The following SEMA3D variants were observed in gnomAD, a reference collection of about 807,000 sequenced individuals.
SEMA3D encodes the protein semaphorin 3D.
SEMA3D carries 84 observed loss-of-function variants against 100.1 expected under a neutral mutation model. The observed-to-expected ratio is 0.84, with a 90% confidence interval of 0.70 to 1.01. SEMA3D has a LOEUF of 1.01. Among genes scored for constraint, SEMA3D ranks in the 50% least tolerant of loss-of-function variants. SEMA3D has a pLI of 0.00. For missense variants in SEMA3D, 875 were observed against 934.1 expected (o/e 0.94, Z 0.82); for synonymous variants, 312 against 320.7 (o/e 0.97, Z 0.29).
At chr7:85,073,193 T>A in intron 5 of SEMA3D, 112 bp from the exon 6 acceptor site, 6 of 950,524 alleles carry the variant, frequency 6.3e-6, no homozygotes, top group Admixed American at 4.8e-5. Flanking sequence ...AGAGCACAAA[T>A]GAAAAAAGAT....
intron 1 of SEMA3D, among the ~76,000 whole-genome samples, chr7:85,170,179 C>G (rs543382243): frequency 1.3e-5 from 2 of 151,932 alleles, no homozygotes; most frequent in Admixed American, 1.3e-4. Context: ...TACTTTATTT[C>G]ACAAAATAAA....
chr7:85,057,895 C>T (rs1441356865), intron 8 of SEMA3D, among the ~76,000 whole-genome samples: 1 of 152,154 alleles, frequency 6.6e-6, no homozygotes, highest in Non-Finnish European at 1.5e-5. Flanking sequence ...CACACCAGGG[C>T]ACTCCAGCCT....
In SEMA3D at chr7:85,162,962, T is replaced by A. The variant is rs1279894362; in HGVS notation, c.-172-9223A>T. 5.2e-6 allele frequency: 3 copies of A among 574,658 alleles called. No individual in the cohort carries two copies. The African/African-American group carries it at 6.1e-5, about 12-fold the overall frequency. The allele number at this position is 574,658 out of a possible 1,614,324, so 35.6% of individuals were successfully genotyped here. A position where few individuals can be genotyped will look rare whatever the true frequency, so the allele number is the denominator to read the frequency against. ...GAACTGAGTCAGCGACTGAATGTCA[T>A]AAGGCAGAGGTTTAGAGGCCGAGGA... On this transcript the variant is annotated intron_variant, in intron 1 of 18. Coordinates refer to ENST00000284136, the MANE Select transcript of SEMA3D (RefSeq NM_001384900.1).
At chr7:85,086,665 T>C (rs1165301323) in intron 4 of SEMA3D, among the ~76,000 whole-genome samples, 1 of 150,908 alleles carries the variant, frequency 6.6e-6, no homozygotes, top group Non-Finnish European at 1.5e-5. Context: ...TGTGTGTGTA[T>C]AGATGCATGT....
the SEMA3D span, among the ~76,000 whole-genome samples, chr7:85,202,975 T>C: frequency 1.2e-4 from 18 of 152,154 alleles, no homozygotes; most frequent in Admixed American, 6.6e-5. Flanking sequence ...TAATACCAAA[T>C]TGAAACGTTT....
At chr7:85,092,425 G>C (rs998362130) in intron 4 of SEMA3D, among the ~76,000 whole-genome samples, 4 of 151,660 alleles carry the variant, frequency 2.6e-5, no homozygotes, top group Non-Finnish European at 5.9e-5. Context: ...TCAAGTAGAA[G>C]GGCAAAAGAA....
rs1562785529 is a variant in SEMA3D at position 85,020,333 on chromosome 7, C to G, written c.1415-12G>C. On this transcript the variant is annotated splice_polypyrimidine_tract_variant and intron_variant, in intron 13 of 18. Transcript: ENST00000284136. ...GACAGTTCCAATGTCTGAAAAAATG[C>G]ATAACCCATGATCCCATTGTTTCTA... 1 of 1,592,702 alleles carries G rather than the reference C, an allele frequency of 6.3e-7. No homozygotes were observed. Among genetic ancestry groups the G allele is most frequent in the Non-Finnish European group, 8.6e-7 (1 of 1,162,490 alleles).
At chr7:85,166,722 G>C (rs1790917333) in intron 1 of SEMA3D, among the ~76,000 whole-genome samples, 2 of 151,930 alleles carry the variant, frequency 1.3e-5, no homozygotes, top group Admixed American at 1.3e-4. Flanking sequence ...TATTGCATTA[G>C]AGATGACTGA....
intron 1 of SEMA3D, among the ~76,000 whole-genome samples, chr7:85,158,529 G>A (rs899688121): frequency 3.9e-5 from 6 of 152,112 alleles, no homozygotes; most frequent in Non-Finnish European, 5.9e-5. Context: ...CAATGACAAT[G>A]CCTGCCTGAA....
the SEMA3D span, among the ~76,000 whole-genome samples, chr7:85,228,859 C>T: frequency 6.6e-6 from 1 of 151,948 alleles, no homozygotes; most frequent in Non-Finnish European, 1.5e-5. Flanking sequence ...AAATAAAACC[C>T]GTTTAATGTC....
chr7:85,122,989 T>C (rs957282363), intron 2 of SEMA3D, among the ~76,000 whole-genome samples: 2 of 152,188 alleles, frequency 1.3e-5, no homozygotes, highest in Admixed American at 6.6e-5. Context: ...CCAATACTTT[T>C]TTAAAAGTGC....
chr7:85,106,384 T>C (rs1339126994), intron 3 of SEMA3D, among the ~76,000 whole-genome samples: 1 of 152,024 alleles, frequency 6.6e-6, no homozygotes, highest in South Asian at 2.1e-4. Flanking sequence ...ACATCTATTA[T>C]TGACTCCAAG....
the SEMA3D span, among the ~76,000 whole-genome samples, chr7:85,203,650 G>C: frequency 6.6e-6 from 1 of 152,200 alleles, no homozygotes; most frequent in East Asian, 1.9e-4. Context: ...AGTGTTAAAG[G>C]GAATCTGAAA....
At chr7:85,147,298 C>T (rs1419042876) in intron 2 of SEMA3D, among the ~76,000 whole-genome samples, 2 of 151,540 alleles carry the variant, frequency 1.3e-5, no homozygotes, top group Admixed American at 6.6e-5. Context: ...GACAGGTTTT[C>T]GCCATGTGGG....
chr7:85,047,544 A>G (rs1037417971), intron 9 of SEMA3D, among the ~76,000 whole-genome samples: 3 of 151,862 alleles, frequency 2.0e-5, no homozygotes, highest in African/African-American at 7.2e-5. Flanking sequence ...AAACATTGTC[A>G]TTTTAACCTA....
intron 1 of SEMA3D, among the ~76,000 whole-genome samples, chr7:85,172,793 G>A (rs534649640): frequency 7.9e-5 from 12 of 152,118 alleles, no homozygotes; most frequent in African/African-American, 2.4e-4. Context: ...AAACGATCCC[G>A]TCTCTGGGCA....
intron 1 of SEMA3D, among the ~76,000 whole-genome samples, chr7:85,154,832 G>A (rs1396642514): frequency 6.6e-6 from 1 of 152,096 alleles, no homozygotes; most frequent in African/African-American, 2.4e-5. Context: ...ATAATCTAAA[G>A]AGAAAAGAGT....
chr7:85,084,616 CT>C (rs1788164817), intron 4 of SEMA3D, among the ~76,000 whole-genome samples: 1 of 147,930 alleles, frequency 6.8e-6, no homozygotes, highest in African/African-American at 2.5e-5. Context: ...TTCTTTTTAA[CT>C]TTTACTTTTA....
At chr7:85,143,612 T>C (rs1400675133) in intron 2 of SEMA3D, among the ~76,000 whole-genome samples, 1 of 152,046 alleles carries the variant, frequency 6.6e-6, no homozygotes. Context: ...ATGTGTAGTC[T>C]GTGAGTTGAT....
Sources: gnomAD v4.1 joint callset for allele counts (sites outside exome capture counted in the v4.1 genomes callset) on GRCh38, gnomAD v4.1.1 for gene constraint, MANE v1.5 for transcripts, NCBI Gene and HGNC (gene_info 2026-07-23, HGNC 2026-07-21) for gene names.